MARCHF1: variants seen among roughly 807,000 people sequenced by gnomAD.
MARCHF1 encodes membrane associated ring-CH-type finger 1.
A neutral mutation model predicts 54.2 loss-of-function variants in MARCHF1; 40 were observed. That is an observed-to-expected ratio of 0.74 (90% CI 0.57 to 0.96). The LOEUF (loss-of-function observed/expected upper bound fraction) is 0.96. MARCHF1 is among the 40% of genes least tolerant of loss of function. The pLI, the probability that MARCHF1 is intolerant of heterozygous loss-of-function variation, is 0.00. For missense variants in MARCHF1, 586 were observed against 656.5 expected, an observed-to-expected ratio of 0.89 and a Z score of 1.17; for synonymous variants, 236 against 236.3, an observed-to-expected ratio of 1.00 and a Z score of 0.01.
In MARCHF1 at chr4:163,549,742, A is replaced by AT. The variant is rs1739038289; in HGVS notation, c.1192-4000dup. On this transcript the variant is annotated intron_variant, in intron 8 of 9. Coordinates refer to ENST00000514618, the MANE Select transcript of MARCHF1 (RefSeq NM_001394959.1). ...GAAAGAAATCCAACAGAACTCTATTATTCACTTAGAAAAATATGACTGTAT... is the reference window on the plus strand; with the variant it reads ...GAAAGAAATCCAACAGAACTCTATTATTTCACTTAGAAAAATATGACTGTAT... 2.0e-5 allele frequency among the ~76,000 whole-genome samples: 3 copies of AT among 150,422 alleles called. No individual in the cohort carries two copies. The South Asian group carries it at 6.3e-4, about 32-fold the overall frequency.
At chr4:163,972,052 C>T (rs1282982279) in intron 3 of MARCHF1, among the ~76,000 whole-genome samples, 1 of 152,144 alleles carries the variant, frequency 6.6e-6, no homozygotes, top group Non-Finnish European at 1.5e-5. Context: ...TTTGCAGGGA[C>T]TTGGATGAAG....
At chr4:163,695,787 T>C (rs868609177) in intron 5 of MARCHF1, among the ~76,000 whole-genome samples, 1 of 152,118 alleles carries the variant, frequency 6.6e-6, no homozygotes, top group African/African-American at 2.4e-5. Flanking sequence ...GAGATACATA[T>C]TACACTGTTG....
At chr4:163,695,954 T>C (rs1488363397) in intron 5 of MARCHF1, among the ~76,000 whole-genome samples, 1 of 152,072 alleles carries the variant, frequency 6.6e-6, no homozygotes, top group Non-Finnish European at 1.5e-5. Context: ...TGATGGATAA[T>C]TGAAAGCTGC....
chr4:164,025,819 A>G (rs1365244034), intron 2 of MARCHF1, among the ~76,000 whole-genome samples: 3 of 151,994 alleles, frequency 2.0e-5, no homozygotes, highest in Non-Finnish European at 4.4e-5. Flanking sequence ...AGAAAGATTG[A>G]TAGACTACTA....
At chr4:163,730,780 C>A (rs189537643) in intron 4 of MARCHF1, among the ~76,000 whole-genome samples, 1 of 152,178 alleles carries the variant, frequency 6.6e-6, no homozygotes, top group Admixed American at 6.5e-5. Flanking sequence ...ATTTTTTCTT[C>A]CACATCCAAA....
At chr4:164,309,686 T>C (rs568995074) in intron 1 of MARCHF1, among the ~76,000 whole-genome samples, 2 of 152,184 alleles carry the variant, frequency 1.3e-5, no homozygotes, top group African/African-American at 2.4e-5. Context: ...TTCAAGAACA[T>C]AGTAACCAAC....
intron 2 of MARCHF1, among the ~76,000 whole-genome samples, chr4:164,107,560 A>G (rs560681124): frequency 5.5e-4 from 83 of 152,174 alleles, no homozygotes; most frequent in African/African-American, 2.0e-3. Flanking sequence ...ACAGGGTTTC[A>G]CCATGTTGCC....
chr4:164,105,456 C>T (rs565567301), intron 2 of MARCHF1, among the ~76,000 whole-genome samples: 43 of 147,304 alleles, frequency 2.9e-4, no homozygotes, highest in East Asian at 7.9e-4. Flanking sequence ...TCAGAAATAA[C>T]GCTGCATATC....
chr4:163,893,957 G>T (rs1403091613), intron 3 of MARCHF1, among the ~76,000 whole-genome samples: 1 of 152,038 alleles, frequency 6.6e-6, no homozygotes, highest in Non-Finnish European at 1.5e-5. Flanking sequence ...TTTGATCACT[G>T]GTGAAATAGC....
Position 164,172,906 on chromosome 4 carries a change from G to A in MARCHF1, c.-322-61244C>T, listed in dbSNP as rs898793031. ...TGAGGCAGGAGAATGGCGTGAACCC[G>A]CAAGGCGGAGCTTGCAGTGAGCCGA... On this transcript the variant is annotated intron_variant, in intron 1 of 9. Transcript: ENST00000514618. Among the ~76,000 whole-genome samples, 12 of 150,446 alleles carry A rather than the reference G, an allele frequency of 8.0e-5. 1 individual carries two copies. Among genetic ancestry groups the A allele is most frequent in the Admixed American group, 6.0e-4 (9 of 15,022 alleles).
chr4:164,011,736 T>C (rs1440275795), intron 2 of MARCHF1, among the ~76,000 whole-genome samples: 1 of 152,144 alleles, frequency 6.6e-6, no homozygotes, highest in East Asian at 1.9e-4. Flanking sequence ...AAACTAAGAA[T>C]AGCACCTTCA....
intron 1 of MARCHF1, chr4:164,197,240 C>A (rs1445293092): frequency 6.2e-7 from 1 of 1,610,794 alleles, no homozygotes; most frequent in Non-Finnish European, 8.5e-7. Context: ...TCCACGTGGT[C>A]CTCAATATCT....
chr4:163,960,073 C>T (rs534849420), intron 3 of MARCHF1, among the ~76,000 whole-genome samples: 1 of 151,940 alleles, frequency 6.6e-6, no homozygotes, highest in East Asian at 1.9e-4. Context: ...TATCACTGAT[C>T]GTTAGAGAAA....
At chr4:163,802,490 G>C (rs72685628) in intron 4 of MARCHF1, among the ~76,000 whole-genome samples, 5,793 of 152,184 alleles carry the variant, frequency 0.038, 164 homozygotes, top group South Asian at 0.074. Context: ...ATGGCTGTTT[G>C]TGTATTTTTA....
chr4:164,186,577 G>A (rs1730976489), intron 1 of MARCHF1, among the ~76,000 whole-genome samples: 1 of 152,168 alleles, frequency 6.6e-6, no homozygotes, highest in Admixed American at 6.5e-5. Flanking sequence ...AGTATGATCT[G>A]AGGTGAAGAG....
intron 4 of MARCHF1, among the ~76,000 whole-genome samples, chr4:163,752,831 GAAAACTAGAGTTCGACAAC>G (rs1746563697): frequency 1.3e-5 from 2 of 152,246 alleles, no homozygotes; most frequent in African/African-American, 4.8e-5. Flanking sequence ...CTATGTTGTT[GAAAACTAGAGTTCGACAAC>G]ATCAAATCTT....
chr4:163,645,214 T>C (rs1305712879), intron 5 of MARCHF1, among the ~76,000 whole-genome samples: 1 of 152,124 alleles, frequency 6.6e-6, no homozygotes, highest in Non-Finnish European at 1.5e-5. Context: ...AGGGACCACA[T>C]AGATAGGACC....
chr4:164,178,233 AG>A (rs1381099490), intron 1 of MARCHF1, among the ~76,000 whole-genome samples: 2 of 152,206 alleles, frequency 1.3e-5, no homozygotes, highest in African/African-American at 4.8e-5. Flanking sequence ...CTGTCTTGTT[AG>A]GAAAGGGGTA....
At chr4:164,168,605 A>C (rs1184231086) in intron 1 of MARCHF1, among the ~76,000 whole-genome samples, 2 of 151,958 alleles carry the variant, frequency 1.3e-5, no homozygotes, top group African/African-American at 4.8e-5. Flanking sequence ...CATTACGCTA[A>C]GTGAAGCAAG....
Sources: allele counts gnomAD v4.1 joint callset (sites outside exome capture counted in the v4.1 genomes callset), GRCh38; gene constraint gnomAD v4.1.1; transcripts MANE v1.5; gene names NCBI Gene and HGNC (gene_info 2026-07-23, HGNC 2026-07-21).